Variants in MYO1B observed in about 807,000 individuals in gnomAD.
MYO1B encodes unconventional myosin-Ib.
MYO1B carries 72 observed loss-of-function variants against 159.7 expected under a neutral mutation model. That is an observed-to-expected ratio of 0.45 (90% CI 0.37 to 0.55). MYO1B has a LOEUF of 0.55. Among genes scored for constraint, MYO1B ranks in the 20% least tolerant of loss-of-function variants. The pLI, the probability that MYO1B is intolerant of heterozygous loss-of-function variation, is 0.00. For missense variants in MYO1B, 1,062 were observed against 1,364.8 expected (o/e 0.78, Z 3.50); for synonymous variants, 468 against 473.8 (o/e 0.99, Z 0.16).
At chr2:191,346,182 C>G in intron 5 of MYO1B, 54 bp from the exon 6 acceptor site, 1 of 1,312,062 alleles carries the variant, frequency 7.6e-7, no homozygotes, top group Non-Finnish European at 1.1e-6. Context: ...CTTTATCTTT[C>G]TGCTTGAGAT....
At chr2:191,264,551 A>T (rs1161026796) in intron 1 of MYO1B, among the ~76,000 whole-genome samples, 3 of 151,558 alleles carry the variant, frequency 2.0e-5, no homozygotes, top group Non-Finnish European at 4.4e-5. Flanking sequence ...GTAGCTAACC[A>T]TGTATTGTAA....
chr2:191,329,898 T>G (rs1208451090), intron 3 of MYO1B, 37 bp from the exon 4 acceptor site: 1 of 1,574,068 alleles, frequency 6.4e-7, no homozygotes, highest in Non-Finnish European at 8.7e-7. Flanking sequence ...AATAATGATC[T>G]GAAGTCTAAG....
chr2:191,400,780 A>G lies in MYO1B; in HGVS notation c.2414A>G (p.Glu805Gly). The G allele has an allele frequency of 1.2e-6, 2 of 1,614,008 alleles. No homozygotes were observed. The highest frequency in any genetic ancestry group is 1.7e-6 in the Non-Finnish European group (2 of 1,179,892). The change falls in exon 23 of 31, where the codon GAG becomes GGG. Residue 805 changes from glutamate (E) to glycine (G), a missense_variant. Transcript: ENST00000392318. ...ARRELRRLKE[E>G]ARNKHAIAVI... ...AGGGAACTGAGACGGCTGAAGGAGG[A>G]GGCTAGGAATAAACATGCTATTGCA... is the stretch of plus-strand genomic sequence containing the variant.
intron 1 of MYO1B, among the ~76,000 whole-genome samples, chr2:191,260,254 C>CTGTTTTTTTTTTTT (rs1553528551): frequency 1.6e-5 from 1 of 60,960 alleles, no homozygotes; most frequent in African/African-American, 3.6e-5. Flanking sequence ...CCCAGATAGG[C>CTGTTTTTTTTTTTT]TTTTTTTTTT....
chr2:191,342,349 C>T (rs1042885378), intron 5 of MYO1B, among the ~76,000 whole-genome samples: 2 of 152,198 alleles, frequency 1.3e-5, no homozygotes, highest in African/African-American at 4.8e-5. Flanking sequence ...CAAGCCCCAC[C>T]TCCTAATACT....
chr2:191,376,147 T>C (rs1405172951), intron 13 of MYO1B, among the ~76,000 whole-genome samples: 1 of 152,198 alleles, frequency 6.6e-6, no homozygotes, highest in Non-Finnish European at 1.5e-5. Flanking sequence ...ACATTGTTTT[T>C]CTTAAAATTT....
At chr2:191,407,365 A>G (rs1696983561) in intron 24 of MYO1B, among the ~76,000 whole-genome samples, 1 of 152,180 alleles carries the variant, frequency 6.6e-6, no homozygotes, top group East Asian at 1.9e-4. Flanking sequence ...TCCCATTTGT[A>G]TCTGGATGGT....
chr2:191,334,042 G>GA (rs1191861859), intron 4 of MYO1B, among the ~76,000 whole-genome samples: 1 of 151,384 alleles, frequency 6.6e-6, no homozygotes, highest in Non-Finnish European at 1.5e-5. Context: ...CTTGGAAGAA[G>GA]AAAAGAAAAT....
At chr2:191,337,520 G>T (rs758347511) in intron 4 of MYO1B, among the ~76,000 whole-genome samples, 4 of 152,092 alleles carry the variant, frequency 2.6e-5, no homozygotes, top group African/African-American at 7.2e-5. Context: ...CATTAGTGAG[G>T]AATATGTGTT....
chr2:191,358,808 G>A (rs560014261), intron 7 of MYO1B, among the ~76,000 whole-genome samples: 1 of 152,294 alleles, frequency 6.6e-6, no homozygotes, highest in East Asian at 1.9e-4. Flanking sequence ...GAGAGCTGCT[G>A]CTGTTTGTTT....
At chr2:191,283,177 C>T (rs1321972920) in intron 2 of MYO1B, among the ~76,000 whole-genome samples, 1 of 152,176 alleles carries the variant, frequency 6.6e-6, no homozygotes, top group Non-Finnish European at 1.5e-5. Context: ...AAATTTCTTC[C>T]TCTTAGAATT....
intron 30 of MYO1B, among the ~76,000 whole-genome samples, chr2:191,419,273 C>T (rs894608132): frequency 2.0e-5 from 3 of 151,892 alleles, no homozygotes; most frequent in African/African-American, 7.3e-5. Context: ...GGCTGGAGTG[C>T]AGTGGCGTGA....
intron 4 of MYO1B, among the ~76,000 whole-genome samples, chr2:191,337,035 T>C (rs1431077040): frequency 1.3e-5 from 2 of 152,220 alleles, no homozygotes; most frequent in East Asian, 3.8e-4. Flanking sequence ...GATAAATTTA[T>C]TAGAAGCTCT....
rs551776905 is a variant in MYO1B, at chr2:191,399,101, C to A, written c.2296-1281C>A. 3.1e-3 allele frequency among the ~76,000 whole-genome samples: 474 copies of A among 150,520 alleles called. 13 individuals carry two copies. The highest frequency in any genetic ancestry group is 0.028 in the Admixed American group (425 of 15,164). On this transcript the variant is annotated intron_variant, in intron 21 of 30. Coordinates refer to ENST00000392318, the MANE Select transcript of MYO1B (RefSeq NM_001130158.3). ...CAACACAGCAAAACCCCGTCTCCAC[C>A]AAAAAAAAACGAAAACCAGTCAGGC...
rs555955961 is a variant in MYO1B at position 191,366,801 on chromosome 2, G to A, written c.1032+2525G>A. 4.6e-5 allele frequency among the ~76,000 whole-genome samples: 7 copies of A among 151,948 alleles called. No homozygotes were observed. The East Asian group carries it at 1.4e-3, about 30-fold the overall frequency. ...CCATCTAAATGCTCTACCTGATTGT[G>A]CCCTATCCTAGGAGACTTCTTTGAT... On this transcript the variant is annotated intron_variant, in intron 11 of 30. Transcript: ENST00000392318.
At chr2:191,406,583 G>A (rs1312231746) in intron 24 of MYO1B, among the ~76,000 whole-genome samples, 4 of 152,172 alleles carry the variant, frequency 2.6e-5, no homozygotes, top group Admixed American at 6.5e-5. Flanking sequence ...AGGGAGGCCC[G>A]AGGAGAGGGA....
chr2:191,392,468 G>A (rs1434707674), intron 19 of MYO1B, among the ~76,000 whole-genome samples: 2 of 152,088 alleles, frequency 1.3e-5, no homozygotes, highest in Admixed American at 6.6e-5. Flanking sequence ...TTAGGACAAC[G>A]GTGCAACATT....
At position 191,416,157 on chromosome 2, in the gene MYO1B, G is replaced by T. The variant is rs777821414; in HGVS notation, c.3202G>T (p.Asp1068Tyr). The change falls in exon 30 of 31, where the codon GAT becomes TAT. Residue 1068 changes from aspartate to tyrosine, a missense_variant. Physicochemically the swap from Asp to Tyr is radical, Grantham distance 160. Transcript: ENST00000392318. ...TAAAGGAGACTTTCTCTTCAGCAGT[G>T]ATCACCTGATTGAAATGGCCACCAA... ...ASKGDFLFSS[D>Y]HLIEMATKLY... 6.2e-7 allele frequency: 1 copy of T among 1,614,132 alleles called. No homozygotes were observed. Among genetic ancestry groups the T allele is most frequent in the Admixed American group, 1.7e-5 (1 of 60,012 alleles).
chr2:191,293,349 A>G (rs574603866), intron 2 of MYO1B, among the ~76,000 whole-genome samples: 8 of 152,366 alleles, frequency 5.3e-5, no homozygotes, highest in Non-Finnish European at 8.8e-5. Context: ...GATTTGTTAA[A>G]TGGTAATGTT....
Sources: allele counts gnomAD v4.1 joint callset (sites outside exome capture counted in the v4.1 genomes callset), GRCh38; gene constraint gnomAD v4.1.1; transcripts MANE v1.5; gene names NCBI Gene and HGNC (gene_info 2026-07-23, HGNC 2026-07-21).